Variants in TGFB2 observed in about 807,000 individuals in gnomAD.
TGFB2 encodes the protein transforming growth factor beta-2 proprotein.
In TGFB2, 13 loss-of-function variants were observed where a neutral mutation model predicts 42.7. That is an observed-to-expected ratio of 0.30 (90% CI 0.20 to 0.48). The LOEUF (loss-of-function observed/expected upper bound fraction) is 0.48, where lower values mean the gene tolerates loss of function less well. Ranked by LOEUF, TGFB2 falls within the 20% of genes least tolerant of loss-of-function variation. The probability of loss-of-function intolerance (pLI) is 0.99; values close to 1 mark genes in which losing one functional copy is unlikely to be tolerated. For synonymous variants in TGFB2, 193 were observed against 193.6 expected, an observed-to-expected ratio of 1.00 and a Z score of 0.03; for missense variants, 390 against 517.5, an observed-to-expected ratio of 0.75 and a Z score of 2.39.
chr1:218,376,162 C>T (rs1358578128), intron 1 of TGFB2, among the ~76,000 whole-genome samples: 1 of 152,148 alleles, frequency 6.6e-6, no homozygotes, highest in Non-Finnish European at 1.5e-5. Context: ...GCGTACATCT[C>T]CCGTTAAGTG....
In TGFB2 at chr1:218,441,477, TAA is replaced by T; in HGVS notation, c.*120_*121del. Reference sequence around the variant, plus strand: ...TAAGAGAGCCTTGGTTCATCAGTGTTAAAAAATTTTTGAAAAGGCGGTACTAG... The same window carrying T: ...TAAGAGAGCCTTGGTTCATCAGTGTTAAAATTTTTGAAAAGGCGGTACTAG... On this transcript the variant is annotated 3_prime_UTR_variant, in exon 7 of 7. Coordinates refer to ENST00000366930, the MANE Select transcript of TGFB2 (RefSeq NM_003238.6). The T allele has an allele frequency of 8.1e-7, 1 of 1,235,888 alleles. No homozygotes were observed. The highest frequency in any genetic ancestry group is 1.1e-6 in the Non-Finnish European group (1 of 926,164). The allele number at this position is 1,235,888 out of a possible 1,614,324, so 76.6% of individuals were successfully genotyped here.
At chr1:218,395,017 G>A (rs76916003) in intron 1 of TGFB2, among the ~76,000 whole-genome samples, 6,454 of 152,134 alleles carry the variant, frequency 0.042, 209 homozygotes, top group East Asian at 0.15. Flanking sequence ...AGGAATGAGG[G>A]GCCACTACAC....
chr1:218,365,079 AGGGAGG>A (rs1293834630), intron 1 of TGFB2, among the ~76,000 whole-genome samples: 1 of 152,100 alleles, frequency 6.6e-6, no homozygotes, highest in Non-Finnish European at 1.5e-5. Context: ...TTGGTTGGTC[AGGGAGG>A]GCCAGAATGA....
chr1:218,365,082 G>C (rs1657343503), intron 1 of TGFB2, among the ~76,000 whole-genome samples: 1 of 152,076 alleles, frequency 6.6e-6, no homozygotes, highest in South Asian at 2.1e-4. Flanking sequence ...GTTGGTCAGG[G>C]AGGGCCAGAA....
intron 6 of TGFB2, 35 bp from the exon 7 acceptor site, chr1:218,441,168 TC>T (rs763136096): frequency 1.9e-6 from 3 of 1,574,262 alleles, no homozygotes; most frequent in Non-Finnish European, 2.6e-6. Flanking sequence ...TTTCCGTCTT[TC>T]CCTATGTTGT....
At chr1:218,431,781 T>C (rs1192861544) in intron 2 of TGFB2, among the ~76,000 whole-genome samples, 1 of 152,224 alleles carries the variant, frequency 6.6e-6, no homozygotes, top group Non-Finnish European at 1.5e-5. Flanking sequence ...GCCTGAAAAC[T>C]GCTTCTCAAC....
In TGFB2 at chr1:218,346,813, G is replaced by T; in HGVS notation, c.112G>T (p.Glu38Ter). Residue 38 changes from glutamate (E) to a stop codon, truncating the protein, a stop_gained, in exon 1 of 7, where the codon GAG (glutamate) becomes TAG (stop). Coordinates refer to ENST00000366930, the MANE Select transcript of TGFB2 (RefSeq NM_003238.6). LOFTEE classifies it high-confidence loss of function. This position sits in a 1 kb window ranked among gnomAD's most constrained non-coding sequence, Gnocchi z 4.9. ...DMDQFMRKRIEAIRGQILSKL... is the reference protein window; with the variant it reads ...DMDQFMRKRI Reference sequence around the variant, plus strand: ...GGACCAGTTCATGCGCAAGAGGATCGAGGCGATCCGCGGGCAGATCCTGAG... The same window carrying T: ...GGACCAGTTCATGCGCAAGAGGATCTAGGCGATCCGCGGGCAGATCCTGAG... The T allele has an allele frequency of 6.2e-7, 1 of 1,614,096 alleles. No individual in the cohort carries two copies.
At chr1:218,401,477 G>A (rs983653316) in intron 1 of TGFB2, among the ~76,000 whole-genome samples, 1 of 152,204 alleles carries the variant, frequency 6.6e-6, no homozygotes, top group African/African-American at 2.4e-5. Context: ...AAGCCTGGGA[G>A]GAGGACCAGA....
intron 2 of TGFB2, among the ~76,000 whole-genome samples, chr1:218,432,717 A>G (rs562572289): frequency 6.6e-5 from 10 of 152,326 alleles, no homozygotes; most frequent in Admixed American, 1.3e-4. Context: ...AACGATATCA[A>G]ATTGAAGACA....
chr1:218,405,040 T>G (rs1658860392), intron 1 of TGFB2, 129 bp from the exon 2 acceptor site: 1 of 1,051,980 alleles, frequency 9.5e-7, no homozygotes, highest in African/African-American at 1.6e-5. Flanking sequence ...TTAATGGTAT[T>G]AAACTGGCCG....
intron 2 of TGFB2, among the ~76,000 whole-genome samples, chr1:218,422,292 G>A (rs752178688): frequency 2.0e-5 from 3 of 151,174 alleles, no homozygotes; most frequent in South Asian, 2.1e-4. Flanking sequence ...ATCTTGGCTC[G>A]CTGCAGCCTC....
chr1:218,366,413 C>T (rs1354024464), intron 1 of TGFB2, among the ~76,000 whole-genome samples: 2 of 151,950 alleles, frequency 1.3e-5, no homozygotes, highest in Non-Finnish European at 2.9e-5. Flanking sequence ...CTGAAGCAAT[C>T]CTCCCACCCC....
intron 1 of TGFB2, among the ~76,000 whole-genome samples, chr1:218,368,433 G>A (rs762692048): frequency 6.6e-5 from 10 of 152,272 alleles, no homozygotes; most frequent in Admixed American, 2.0e-4. Context: ...CACCGTGCCC[G>A]GCCTATTCAG....
chr1:218,430,512 G>C (rs1659773493), intron 2 of TGFB2, among the ~76,000 whole-genome samples: 1 of 152,172 alleles, frequency 6.6e-6, no homozygotes, highest in African/African-American at 2.4e-5. Context: ...TTGGAGACCT[G>C]AGAAAGACAG....
At chr1:218,384,658 G>A (rs186485367) in intron 1 of TGFB2, among the ~76,000 whole-genome samples, 1 of 152,312 alleles carries the variant, frequency 6.6e-6, no homozygotes, top group African/African-American at 2.4e-5. Flanking sequence ...CATATTGAGA[G>A]AGGCTGGCTT....
intron 1 of TGFB2, among the ~76,000 whole-genome samples, chr1:218,367,618 A>C (rs1319544579): frequency 1.3e-5 from 2 of 152,208 alleles, no homozygotes; most frequent in East Asian, 3.8e-4. Context: ...GGTCTACATC[A>C]CTAAATAATC....
intron 2 of TGFB2, among the ~76,000 whole-genome samples, chr1:218,426,723 G>C (rs944795227): frequency 6.6e-6 from 1 of 152,112 alleles, no homozygotes; most frequent in Non-Finnish European, 1.5e-5. Flanking sequence ...ATCAGTTAAA[G>C]CCAGGGATTA....
chr1:218,411,992 G>A (rs1031782328), intron 2 of TGFB2, among the ~76,000 whole-genome samples: 1 of 152,122 alleles, frequency 6.6e-6, no homozygotes, highest in African/African-American at 2.4e-5. Flanking sequence ...ATATATCAAT[G>A]GGAAATGTGT....
rs969090344 is a variant in TGFB2 at position 218,442,698 on chromosome 1, G to C, written c.*1336G>C. The C allele has an allele frequency of 2.0e-5, 3 of 151,778 alleles. No homozygotes were observed. The highest frequency in any genetic ancestry group is 7.3e-5 in the African/African-American group (3 of 41,308). The allele number at this position is 151,778 out of a possible 1,614,324, so 9.4% of individuals were successfully genotyped here. A position where few individuals can be genotyped will look rare whatever the true frequency, so the allele number is the denominator to read the frequency against. ...TTTTTTTTGTTTCACAGAAAAGATG[G>C]GTTCGAGTTCAGTGGTCTTCATCTT... On this transcript the variant is annotated 3_prime_UTR_variant, in exon 7 of 7. Transcript: ENST00000366930.
Sources: gnomAD v4.1 joint callset for allele counts (sites outside exome capture counted in the v4.1 genomes callset) on GRCh38, gnomAD v4.1.1 for gene constraint, Gnocchi (gnomAD v3.1) non-coding constraint, MANE v1.5 for transcripts, NCBI Gene and HGNC (gene_info 2026-07-23, HGNC 2026-07-21) for gene names.